SEC23A: variants seen among roughly 807,000 people sequenced by gnomAD.
The protein encoded by SEC23A is SEC23 homolog A, COPII component, also known as protein transport protein Sec23A.
SEC23A carries 56 observed loss-of-function variants against 103.7 expected under a neutral mutation model. The ratio of observed to expected loss-of-function variants is 0.54; its 90% CI spans 0.44 to 0.67. SEC23A has a LOEUF of 0.67. Ranked by LOEUF, SEC23A falls within the 30% of genes least tolerant of loss-of-function variation. SEC23A has a pLI of 0.00. For missense variants in SEC23A, 784 were observed against 936.4 expected (o/e 0.84, Z 2.12); for synonymous variants, 281 against 293.0 (o/e 0.96, Z 0.42).
chr14:39,032,902 A>G lies in SEC23A; in HGVS notation c.*337T>C, dbSNP rs964415731. 5.5e-6 allele frequency: 1 copy of G among 182,208 alleles called. No homozygotes were observed. Among genetic ancestry groups the G allele is most frequent in the African/African-American group, 2.3e-5 (1 of 42,558 alleles). 11.3% of individuals were successfully genotyped at this position (182,208 alleles called of 1,614,324 possible). On this transcript the variant is annotated 3_prime_UTR_variant, in exon 20 of 20. Transcript: ENST00000307712. Reference sequence around the variant, plus strand: ...TTTTAAAAGGTGAGCAAGAAAATTCAGTGCCACTTTGGGTCTGTCTGCAAT... The same window carrying G: ...TTTTAAAAGGTGAGCAAGAAAATTCGGTGCCACTTTGGGTCTGTCTGCAAT...
intron 5 of SEC23A, among the ~76,000 whole-genome samples, chr14:39,090,623 T>C (rs1442263929): frequency 4.6e-5 from 7 of 152,060 alleles, no homozygotes. Flanking sequence ...TGTTAAGAAA[T>C]AAAAGCTCTC....
intron 14 of SEC23A, among the ~76,000 whole-genome samples, chr14:39,054,892 A>C (rs1232263403): frequency 6.6e-6 from 1 of 152,256 alleles, no homozygotes; most frequent in Non-Finnish European, 1.5e-5. Context: ...CCAGCCAATA[A>C]GAATAGAAAA....
chr14:39,090,909 G>T, intron 5 of SEC23A: 2 of 299,212 alleles, frequency 6.7e-6, no homozygotes, highest in Non-Finnish European at 6.4e-6. Flanking sequence ...GCAAAGGACT[G>T]GCCAATGTCA....
rs1566508230 is a variant in SEC23A at position 39,085,685 on chromosome 14, TATATACACACACACAC to T, written c.828+61_828+76del. ...TTGGTTCTTCTTATCCTTATAATTA[TATATACACACACACAC>T]ACACACACACACACACACACACACA... On this transcript the variant is annotated intron_variant, in intron 7 of 19. Transcript: ENST00000307712. 3.0e-5 allele frequency: 29 copies of T among 956,704 alleles called. 1 individual carries two copies. Among genetic ancestry groups the T allele is most frequent in the Non-Finnish European group, 3.8e-5 (25 of 664,156 alleles). The allele number at this position is 956,704 out of a possible 1,614,324, so 59.3% of individuals were successfully genotyped here.
chr14:39,085,103 T>C (rs1475711551), intron 7 of SEC23A, among the ~76,000 whole-genome samples: 2 of 152,200 alleles, frequency 1.3e-5, no homozygotes, highest in Non-Finnish European at 2.9e-5. Flanking sequence ...AGAGAGGGGA[T>C]AATGGCCAGT....
In SEC23A at chr14:39,040,739, C is replaced by A; in HGVS notation, c.2135G>T (p.Gly712Val). 6.2e-7 allele frequency: 1 copy of A among 1,614,174 alleles called. No individual in the cohort carries two copies. The highest frequency in any genetic ancestry group is 8.5e-7 in the Non-Finnish European group (1 of 1,180,030). Residue 712 changes from glycine to valine, a missense_variant, in exon 18 of 20, where the codon GGC becomes GTC. By Grantham distance (109) the Gly-to-Val change is moderately radical. This residue lies in a region of SEC23A where 101 missense variants were observed against 162.2 expected (regional missense o/e 0.62). Transcript: ENST00000307712. ...MPRYIDTEHG[G>V]SQARFLLSKV... The stretch of plus-strand genomic sequence containing the variant: ...CAAATTAACACTACTTACCTGGCTG[C>A]CTCCATGTTCAGTGTCAATGTATCT...
chr14:39,067,142 CAT>C, intron 10 of SEC23A, 29 bp downstream of exon 10: 16 of 1,612,910 alleles, frequency 9.9e-6, no homozygotes, highest in Non-Finnish European at 1.4e-5. Context: ...CTTTTGATAA[CAT>C]ATCGCACATG....
Position 39,095,993 on chromosome 14 carries a change from A to C in SEC23A, c.126T>G (p.Phe42Leu), listed in dbSNP as rs370297925. 1 of 1,614,012 alleles carries C rather than the reference A, an allele frequency of 6.2e-7. No individual in the cohort carries two copies. The highest frequency in any genetic ancestry group is 8.5e-7 in the Non-Finnish European group (1 of 1,180,016). Residue 42 changes from phenylalanine (F) to leucine (L), a missense_variant, in exon 2 of 20, where the codon TTT becomes TTG. Coordinates refer to ENST00000307712, the MANE Select transcript of SEC23A (RefSeq NM_006364.4). ...AGTCAGGTCTCTCTTTCAGTGGTGT[A>C]AACAGGGCTGCCACAGGAACAACCA... is the stretch of plus-strand genomic sequence containing the variant. ...TRMVVPVAAL[F>L]TPLKERPDLP... is the part of the protein sequence containing the mutation.
intron 5 of SEC23A, chr14:39,091,228 AG>A: frequency 3.9e-6 from 2 of 511,682 alleles, no homozygotes; most frequent in East Asian, 7.2e-5. Context: ...TCAAATCTCT[AG>A]TAAAATACTG....
At chr14:39,092,516 TA>T in intron 4 of SEC23A, 24 bp downstream of exon 4, 1 of 1,382,868 alleles carries the variant, frequency 7.2e-7, no homozygotes, top group Non-Finnish European at 1.0e-6. Context: ...AAAACTTTCT[TA>T]AATATTTGTT....
chr14:39,052,180 G>A (rs948295372), intron 14 of SEC23A, among the ~76,000 whole-genome samples: 6 of 151,990 alleles, frequency 3.9e-5, no homozygotes, highest in African/African-American at 1.2e-4. Flanking sequence ...GGAGAGCATT[G>A]GGAAGAATAG....
At chr14:39,037,952 T>C (rs1885513238) in intron 19 of SEC23A, among the ~76,000 whole-genome samples, 2 of 152,192 alleles carry the variant, frequency 1.3e-5, no homozygotes, top group African/African-American at 4.8e-5. Flanking sequence ...TACAGACTGC[T>C]TCCATTTAAT....
At chr14:39,061,912 T>C (rs374524814) in intron 12 of SEC23A, 41 bp from the exon 13 acceptor site, 5 of 1,259,436 alleles carry the variant, frequency 4.0e-6, no homozygotes, top group Non-Finnish European at 5.8e-6. Flanking sequence ...CAAAATTTAC[T>C]ATGCTGTTGT....
intron 15 of SEC23A, among the ~76,000 whole-genome samples, chr14:39,046,826 A>C (rs1295584017): frequency 6.6e-6 from 1 of 152,158 alleles, no homozygotes; most frequent in African/African-American, 2.4e-5. Context: ...GATCAGCCAG[A>C]AAGTATTCCC....
intron 7 of SEC23A, among the ~76,000 whole-genome samples, chr14:39,076,905 C>A (rs1182766278): frequency 6.9e-6 from 1 of 145,514 alleles, no homozygotes; most frequent in Non-Finnish European, 1.5e-5. Context: ...CCAGCCTGGG[C>A]AACAAGGCGA....
intron 14 of SEC23A, among the ~76,000 whole-genome samples, chr14:39,052,384 A>G (rs1035126708): frequency 1.3e-5 from 2 of 152,258 alleles, no homozygotes; most frequent in African/African-American, 2.4e-5. Context: ...GAACAATTCT[A>G]GACATAAGTC....
intron 13 of SEC23A, among the ~76,000 whole-genome samples, chr14:39,058,524 G>C (rs1266581005): frequency 6.6e-6 from 1 of 151,976 alleles, no homozygotes; most frequent in Non-Finnish European, 1.5e-5. Context: ...AGCCAGGATG[G>C]TCTTGATCTC....
chr14:39,100,553 C>T (rs1334052266), intron 1 of SEC23A, among the ~76,000 whole-genome samples: 2 of 151,840 alleles, frequency 1.3e-5, no homozygotes, highest in Non-Finnish European at 1.5e-5. Flanking sequence ...GCTGGGATTA[C>T]GGGCATAAGC....
chr14:39,092,706 C>A, intron 3 of SEC23A, 79 bp from the exon 4 acceptor site: 1 of 785,172 alleles, frequency 1.3e-6, no homozygotes. Context: ...AAAGTATTTC[C>A]TGATCATTTA....
Sources: allele counts gnomAD v4.1 joint callset (sites outside exome capture counted in the v4.1 genomes callset), GRCh38; gene constraint gnomAD v4.1.1; regional missense constraint gnomAD v4.1.1; transcripts MANE v1.5; gene names NCBI Gene and HGNC (gene_info 2026-07-23, HGNC 2026-07-21).